NUMB: variants seen among roughly 807,000 people sequenced by gnomAD.
NUMB encodes the protein protein numb homolog.
A neutral mutation model predicts 59.7 loss-of-function variants in NUMB; 29 were observed. The observed-to-expected ratio is 0.49, with a 90% confidence interval of 0.36 to 0.66. NUMB has a LOEUF of 0.66. Among genes scored for constraint, NUMB ranks in the 30% least tolerant of loss-of-function variants. The pLI is 0.00. For missense variants in NUMB, 723 were observed against 822.0 expected (o/e 0.88, Z 1.47); for synonymous variants, 288 against 288.2 (o/e 1.00, Z 0.01).
intron 2 of NUMB, among the ~76,000 whole-genome samples, chr14:73,370,094 T>G (rs574362247): frequency 6.6e-6 from 1 of 152,064 alleles, no homozygotes; most frequent in African/African-American, 2.4e-5. Flanking sequence ...CAAAAACTCA[T>G]GTTGAAATCT....
Position 73,323,207 on chromosome 14 carries a change from G to A in NUMB, c.127-3C>T, listed in dbSNP as rs749369824. 6 of 1,607,142 alleles carry A rather than the reference G, an allele frequency of 3.7e-6. 1 individual carries two copies. In the East Asian group the frequency reaches 6.7e-5, roughly 18 times the overall value. ...TCAACTTCTACATGGCCAAGGTACT[G>A]TAGAAAGAAGGAAAAGTTAGGGCTA... On this transcript the variant is annotated splice_region_variant and splice_polypyrimidine_tract_variant and intron_variant, in intron 4 of 12. Coordinates refer to ENST00000555238, the MANE Select transcript of NUMB (RefSeq NM_001005743.2).
chr14:73,353,072 G>GTTTTTCTTTCTTTTT (rs71450219), intron 4 of NUMB, among the ~76,000 whole-genome samples: 3 of 58,514 alleles, frequency 5.1e-5, no homozygotes, highest in African/African-American at 1.1e-4. Flanking sequence ...AGTTTTTCTT[G>GTTTTTCTTTCTTTTT]TTTTTTTTTT....
intron 6 of NUMB, among the ~76,000 whole-genome samples, chr14:73,303,561 G>A (rs1890263418): frequency 6.6e-6 from 1 of 152,008 alleles, no homozygotes; most frequent in Non-Finnish European, 1.5e-5. Flanking sequence ...TCCAGTCTGG[G>A]TGACAGAGCG....
At chr14:73,408,707 G>A (rs1027063228) in intron 2 of NUMB, among the ~76,000 whole-genome samples, 12 of 151,816 alleles carry the variant, frequency 7.9e-5, no homozygotes, top group African/African-American at 1.7e-4. Flanking sequence ...GTGAAACCCC[G>A]TCTCTACTAA....
rs201637293 is a variant in NUMB, at chr14:73,348,484, C to T, written c.126+7142G>A. On this transcript the variant is annotated intron_variant, in intron 4 of 12. Coordinates refer to ENST00000555238, the MANE Select transcript of NUMB (RefSeq NM_001005743.2). ...CACACAGCAGGAGGTGAGCGGAGGG[C>T]GAGCAAGCATTACTGCCTGAGCTCC... is the stretch of plus-strand genomic sequence containing the variant. Among the ~76,000 whole-genome samples the T allele has an allele frequency of 5.9e-5, 9 of 152,320 alleles. No individual in the cohort carries two copies. The East Asian group carries it at 7.7e-4, about 13-fold the overall frequency.
chr14:73,404,836 C>T (rs1351953325), intron 2 of NUMB, among the ~76,000 whole-genome samples: 1 of 151,800 alleles, frequency 6.6e-6, no homozygotes, highest in Non-Finnish European at 1.5e-5. Context: ...TCTTAGCTCA[C>T]TGCAACCTCC....
chr14:73,453,287 C>T (rs1167065880), intron 1 of NUMB, among the ~76,000 whole-genome samples: 1 of 151,886 alleles, frequency 6.6e-6, no homozygotes, highest in Non-Finnish European at 1.5e-5. Context: ...TATGTGCCAC[C>T]ACGCCCGGCT....
intron 2 of NUMB, among the ~76,000 whole-genome samples, chr14:73,367,782 A>AT (rs1315368586): frequency 6.6e-6 from 1 of 151,444 alleles, no homozygotes; most frequent in Non-Finnish European, 1.5e-5. Context: ...TTCAAAAAAA[A>AT]AAAAAAAAAA....
chr14:73,344,492 A>C (rs1488713988), intron 4 of NUMB, among the ~76,000 whole-genome samples: 1 of 152,238 alleles, frequency 6.6e-6, no homozygotes, highest in Non-Finnish European at 1.5e-5. Context: ...ACCATTTGGC[A>C]AATCACTTAA....
At chr14:73,411,919 C>CTTTTTTTTTTTTTTTTTTTTTTTTTTT (rs935625343) in intron 1 of NUMB, among the ~76,000 whole-genome samples, 1 of 106,818 alleles carries the variant, frequency 9.4e-6, no homozygotes, top group Non-Finnish European at 1.8e-5. Flanking sequence ...CAGCAATTAA[C>CTTTTTTTTTTTTTTTTTTTTTTTTTTT]TTTTTTTTTT....
intron 5 of NUMB, among the ~76,000 whole-genome samples, chr14:73,321,909 T>C (rs968435991): frequency 2.0e-5 from 3 of 152,204 alleles, no homozygotes; most frequent in African/African-American, 4.8e-5. Flanking sequence ...TTCCCTTCTA[T>C]GACAGATTCA....
At position 73,297,206 on chromosome 14, in the gene NUMB, C is replaced by T. The variant is rs1378678340; in HGVS notation, c.309+5G>A. 4.5e-6 allele frequency: 7 copies of T among 1,553,746 alleles called. No homozygotes were observed. The highest frequency in any genetic ancestry group is 6.2e-6 in the Non-Finnish European group (7 of 1,128,606). Reference sequence around the variant, plus strand: ...ATAAATCAAAATAAAAATAAAGAATCTTACCTTAGTTTTTTCATCCACAAC... The same window carrying T: ...ATAAATCAAAATAAAAATAAAGAATTTTACCTTAGTTTTTTCATCCACAAC... On this transcript the variant is annotated splice_donor_5th_base_variant and intron_variant, in intron 7 of 12. Coordinates refer to ENST00000555238, the MANE Select transcript of NUMB (RefSeq NM_001005743.2).
At chr14:73,439,405 TA>T (rs1455943194) in intron 1 of NUMB, among the ~76,000 whole-genome samples, 5 of 152,208 alleles carry the variant, frequency 3.3e-5, no homozygotes, top group Non-Finnish European at 7.3e-5. Context: ...TTAAACATTC[TA>T]AAAACAGTAA....
chr14:73,318,159 A>T (rs1783678418), intron 5 of NUMB, among the ~76,000 whole-genome samples: 1 of 152,196 alleles, frequency 6.6e-6, no homozygotes, highest in Non-Finnish European at 1.5e-5. Flanking sequence ...GGATGCGGCC[A>T]AAGTTAAGAT....
At chr14:73,402,107 T>C (rs11621076) in intron 2 of NUMB, among the ~76,000 whole-genome samples, 15 of 151,982 alleles carry the variant, frequency 9.9e-5, no homozygotes, top group Non-Finnish European at 2.1e-4. Flanking sequence ...CTCAAGTGAT[T>C]CCTCTGCCTC....
At chr14:73,397,152 A>AAACAG (rs1164995401) in intron 2 of NUMB, among the ~76,000 whole-genome samples, 1 of 151,918 alleles carries the variant, frequency 6.6e-6, no homozygotes, top group African/African-American at 2.4e-5. Flanking sequence ...AAACAAAACA[A>AAACAG]AATAACCACA....
intron 3 of NUMB, among the ~76,000 whole-genome samples, chr14:73,358,497 C>T (rs1594946936): frequency 6.6e-6 from 1 of 152,104 alleles, no homozygotes; most frequent in African/African-American, 2.4e-5. Flanking sequence ...TGTATATGTT[C>T]CTCCCTCTGC....
chr14:73,290,257 A>G (rs1431412434), intron 8 of NUMB, among the ~76,000 whole-genome samples: 1 of 152,224 alleles, frequency 6.6e-6, no homozygotes, highest in Non-Finnish European at 1.5e-5. Flanking sequence ...TTGTTACTTC[A>G]ACTCATTTCA....
chr14:73,372,345 A>ATATATATATATATATATATAACCTTT (rs1566766589), intron 2 of NUMB, among the ~76,000 whole-genome samples: 2 of 112,748 alleles, frequency 1.8e-5, no homozygotes, highest in African/African-American at 6.8e-5. Context: ...ATAACCTTTT[A>ATATATATATATATATATATAACCTTT]TATATATATA....
Sources: gnomAD v4.1 joint callset for allele counts (sites outside exome capture counted in the v4.1 genomes callset) on GRCh38, gnomAD v4.1.1 for gene constraint, MANE v1.5 for transcripts, NCBI Gene and HGNC (gene_info 2026-07-23, HGNC 2026-07-21) for gene names.